Variants in CCDC136 observed in about 807,000 individuals in gnomAD.
CCDC136 encodes the protein coiled-coil domain containing 136.
Under a neutral mutation model 141.2 loss-of-function variants are expected in CCDC136, and 100 were observed. The ratio of observed to expected loss-of-function variants is 0.71; its 90% CI spans 0.60 to 0.84. CCDC136 has a LOEUF of 0.84. CCDC136 is among the 40% of genes least tolerant of loss of function. The pLI, the probability that CCDC136 is intolerant of heterozygous loss-of-function variation, is 0.00. For synonymous variants in CCDC136, 474 were observed against 531.9 expected (o/e 0.89, Z 1.50); for missense variants, 1,206 against 1,379.4 (o/e 0.87, Z 1.99).
intron 3 of CCDC136, among the ~76,000 whole-genome samples, chr7:128,795,581 G>T (rs1802828323): frequency 6.6e-6 from 1 of 152,046 alleles, no homozygotes; most frequent in South Asian, 2.1e-4. Flanking sequence ...GTAAGCAAAG[G>T]TAGATACAGG....
intron 16 of CCDC136, among the ~76,000 whole-genome samples, chr7:128,816,639 C>T (rs905305930): frequency 1.3e-5 from 2 of 152,132 alleles, no homozygotes; most frequent in African/African-American, 4.8e-5. Context: ...AGGTAACTTA[C>T]CAACAATATA....
At chr7:128,814,183 T>G (rs2128921776) in intron 14 of CCDC136, among the ~76,000 whole-genome samples, 1 of 151,990 alleles carries the variant, frequency 6.6e-6, no homozygotes, top group Non-Finnish European at 1.5e-5. Context: ...CCTCCTGGGT[T>G]CAAGTGATTC....
At position 128,792,280 on chromosome 7, in the gene CCDC136, G is replaced by GCCCCCCCCCCCCCCCCCCCCCCCCC; in HGVS notation, c.-126_-125insCCCCCCCCCCCCCCCCCCCCCCCCC. On this transcript the variant is annotated 5_prime_UTR_variant, in exon 1 of 18. The change abolishes the stop of an existing upstream ORF in the 5' untranslated region. Transcript: ENST00000297788. Reference sequence around the variant, plus strand: ...TCCTCTGCACCCCAGCCCGCAGCCAGCCCCCCACCCCCCAGCCCCTCCTTT... The same window carrying GCCCCCCCCCCCCCCCCCCCCCCCCC: ...TCCTCTGCACCCCAGCCCGCAGCCAGCCCCCCCCCCCCCCCCCCCCCCCCCCCCCCCACCCCCCAGCCCCTCCTTT... 7.5e-7 allele frequency: 1 copy of GCCCCCCCCCCCCCCCCCCCCCCCCC among 1,334,790 alleles called. No individual in the cohort carries two copies. Among genetic ancestry groups the GCCCCCCCCCCCCCCCCCCCCCCCCC allele is most frequent in the East Asian group, 3.6e-5 (1 of 28,088 alleles). The allele number at this position is 1,334,790 out of a possible 1,614,324, so 82.7% of individuals were successfully genotyped here. A position where few individuals can be genotyped will look rare whatever the true frequency, so the allele number is the denominator to read the frequency against.
chr7:128,791,287 C>T (rs1802127475), upstream of CCDC136: 5 of 338,778 alleles, frequency 1.5e-5, no homozygotes, highest in East Asian at 2.3e-4. The surrounding 1 kb of genome is among the most constrained non-coding windows in gnomAD (Gnocchi z 7.1). Context: ...CTCACCCTCC[C>T]GCGCCGCCCC....
At chr7:128,803,552 C>T (rs957159402) in intron 4 of CCDC136, among the ~76,000 whole-genome samples, 9 of 152,022 alleles carry the variant, frequency 5.9e-5, no homozygotes, top group South Asian at 2.1e-4. Context: ...CTTGGGAGGC[C>T]GAGGTGGGAG....
In CCDC136 at chr7:128,817,820, G is replaced by A. The variant is rs1806877643; in HGVS notation, c.3426G>A (p.Ser1142=). 13 of 1,613,660 alleles carry A rather than the reference G, an allele frequency of 8.1e-6. No individual in the cohort carries two copies. The highest frequency in any genetic ancestry group is 1.3e-5 in the African/African-American group (1 of 74,914). The change falls in exon 17 of 18, where the codon TCG becomes TCA. Residue 1142 remains serine, a synonymous_variant. Coordinates refer to ENST00000297788, the MANE Select transcript of CCDC136 (RefSeq NM_022742.5). This position sits in a 1 kb window ranked among gnomAD's most constrained non-coding sequence, Gnocchi z 4.6. ...CTCTTGTAGGCCTGGTGGTCATCTC[G>A]GCTTTGCTCTGGTGCTGGTGGGCTG... is the stretch of plus-strand genomic sequence containing the variant. ...SLPLVGLVVI[S]ALLWCWWAET...
chr7:128,805,635 C>A lies in CCDC136; in HGVS notation c.948+111C>A. 1 of 1,523,218 alleles carries A rather than the reference C, an allele frequency of 6.6e-7. No individual in the cohort carries two copies. The highest frequency in any genetic ancestry group is 9.0e-7 in the Non-Finnish European group (1 of 1,115,178). 94.4% of individuals were successfully genotyped at this position (1,523,218 alleles called of 1,614,324 possible). ...GCATCCACTGTGGAGGGAGATAGTA[C>A]TCTGGGGTCTCACTTGCCTGATGTA... On this transcript the variant is annotated intron_variant, in intron 6 of 17. Transcript: ENST00000297788. This position sits in a 1 kb window ranked among gnomAD's most constrained non-coding sequence, Gnocchi z 4.6.
intron 10 of CCDC136, chr7:128,808,710 A>G (rs1585097506): frequency 3.0e-6 from 3 of 985,420 alleles, no homozygotes; most frequent in Non-Finnish European, 2.4e-6. Context: ...TTGCCTTTCT[A>G]TATCCAGGCT....
In CCDC136 at chr7:128,812,133, A is replaced by G. The variant is rs1312487784; in HGVS notation, c.2362A>G (p.Lys788Glu). The change falls in exon 13 of 18, where the codon AAG becomes GAG. Residue 788 changes from lysine to glutamate, a missense_variant. Coordinates refer to ENST00000297788, the MANE Select transcript of CCDC136 (RefSeq NM_022742.5). ...STQTSSKSFL[K>E]SYDSSTSASE... ...CCAGACCAGCAGCAAGAGCTTTCTC[A>G]AGAGCTATGACAGCAGCACCAGTGC... The G allele has an allele frequency of 1.2e-6, 2 of 1,612,192 alleles. No individual in the cohort carries two copies. The highest frequency in any genetic ancestry group is 1.7e-6 in the Non-Finnish European group (2 of 1,178,196).
At chr7:128,818,783 GC>G (rs904313130) in intron 17 of CCDC136, among the ~76,000 whole-genome samples, 4 of 152,178 alleles carry the variant, frequency 2.6e-5, no homozygotes, top group African/African-American at 9.7e-5. Context: ...TAAGGTAGAA[GC>G]CTGGGGTTCC....
rs377315858 is a variant in CCDC136 at position 128,812,148 on chromosome 7, A to G, written c.2377A>G (p.Ser793Gly). The change falls in exon 13 of 18, where the codon AGC becomes GGC. Residue 793 changes from serine to glycine, a missense_variant. Ser to Gly is a moderately conservative substitution (Grantham distance 56). Coordinates refer to ENST00000297788, the MANE Select transcript of CCDC136 (RefSeq NM_022742.5). The part of the protein sequence containing the change: ...SKSFLKSYDS[S>G]TSASEAYGKS... Reference sequence around the variant, plus strand: ...GAGCTTTCTCAAGAGCTATGACAGCAGCACCAGTGCCAGTGAGGCCTATGG... The same window carrying G: ...GAGCTTTCTCAAGAGCTATGACAGCGGCACCAGTGCCAGTGAGGCCTATGG... 2 of 1,613,944 alleles carry G rather than the reference A, an allele frequency of 1.2e-6. No homozygotes were observed. Among genetic ancestry groups the G allele is most frequent in the African/African-American group, 2.7e-5 (2 of 74,942 alleles).
At position 128,805,886 on chromosome 7, in the gene CCDC136, C is replaced by G; in HGVS notation, c.1074C>G (p.Ser358=). ...AQNEVLRFQT[S]HSVTQNEELK... is the part of the protein sequence containing the mutation. The stretch of plus-strand genomic sequence containing the variant: ...ATGAGGTGCTTCGGTTTCAGACCTC[C>G]CACAGTGTCACCCAGGTAAACACTG... Residue 358 remains serine, a synonymous_variant, in exon 7 of 18, where the codon TCC becomes TCG. Transcript: ENST00000297788. The surrounding 1 kb of genome is among the most constrained non-coding windows in gnomAD (Gnocchi z 4.6). The G allele has an allele frequency of 6.2e-7, 1 of 1,613,878 alleles. No homozygotes were observed. The highest frequency in any genetic ancestry group is 8.5e-7 in the Non-Finnish European group (1 of 1,179,874).
intron 4 of CCDC136, among the ~76,000 whole-genome samples, chr7:128,803,527 C>T (rs1804361926): frequency 6.6e-6 from 1 of 152,140 alleles, no homozygotes; most frequent in African/African-American, 2.4e-5. Context: ...TGGTGTGTGC[C>T]TGTAGTCACA....
Position 128,792,287 on chromosome 7 carries a change from AC to A in CCDC136, c.-119del, listed in dbSNP as rs752105707. The A allele has an allele frequency of 4.0e-5, 22 of 556,438 alleles. No individual in the cohort carries two copies. Among genetic ancestry groups the A allele is most frequent in the East Asian group, 3.5e-4 (5 of 14,140 alleles). The allele number at this position is 556,438 out of a possible 1,614,324, so 34.5% of individuals were successfully genotyped here. A position where few individuals can be genotyped will look rare whatever the true frequency, so the allele number is the denominator to read the frequency against. ...CACCCCAGCCCGCAGCCAGCCCCCC[AC>A]CCCCCAGCCCCTCCTTTCTCCCTGC... On this transcript the variant is annotated 5_prime_UTR_variant, in exon 1 of 18. It removes the in-frame stop codon of an upstream open reading frame in the 5' UTR. Coordinates refer to ENST00000297788, the MANE Select transcript of CCDC136 (RefSeq NM_022742.5).
intron 1 of CCDC136, among the ~76,000 whole-genome samples, chr7:128,793,464 T>C (rs1387351118): frequency 6.6e-6 from 1 of 152,154 alleles, no homozygotes; most frequent in Non-Finnish European, 1.5e-5. Flanking sequence ...TTTAATAATA[T>C]ACATTTGAAA....
chr7:128,811,488 G>C, intron 12 of CCDC136: 1 of 426,406 alleles, frequency 2.3e-6, no homozygotes, highest in South Asian at 2.0e-5. Flanking sequence ...GTGTGGTAGG[G>C]AGCCAGGGTG....
At chr7:128,816,444 G>A (rs1163847210) in intron 16 of CCDC136, among the ~76,000 whole-genome samples, 2 of 152,148 alleles carry the variant, frequency 1.3e-5, no homozygotes, top group Admixed American at 6.5e-5. Flanking sequence ...CCTGGATTCT[G>A]TATATCACAG....
chr7:128,809,047 C>A, intron 10 of CCDC136: 2 of 825,234 alleles, frequency 2.4e-6, no homozygotes, highest in Non-Finnish European at 2.9e-6. Flanking sequence ...AGTGTAGTTG[C>A]ATTAAAAAAC....
At position 128,806,676 on chromosome 7, in the gene CCDC136, C is replaced by A; in HGVS notation, c.1249-12C>A. ...AGCCCAAAGGCACTGCCCAAAGCCC[C>A]CTCTACCATAGGAGTTACTGTGCCG... On this transcript the variant is annotated splice_polypyrimidine_tract_variant and intron_variant, in intron 8 of 17. Coordinates refer to ENST00000297788, the MANE Select transcript of CCDC136 (RefSeq NM_022742.5). The A allele has an allele frequency of 6.2e-7, 1 of 1,606,766 alleles. No homozygotes were observed. Among genetic ancestry groups the A allele is most frequent in the Non-Finnish European group, 8.5e-7 (1 of 1,177,444 alleles).
Sources: gnomAD v4.1 joint callset for allele counts (sites outside exome capture counted in the v4.1 genomes callset) on GRCh38, gnomAD v4.1.1 for gene constraint, Gnocchi (gnomAD v3.1) non-coding constraint, MANE v1.5 for transcripts, NCBI Gene and HGNC (gene_info 2026-07-23, HGNC 2026-07-21) for gene names.